ATG5: variants seen among roughly 807,000 people sequenced by gnomAD.
ATG5 encodes autophagy protein 5.
A neutral mutation model predicts 36.5 loss-of-function variants in ATG5; 14 were observed. That is an observed-to-expected ratio of 0.38 (90% CI 0.25 to 0.60). The LOEUF (loss-of-function observed/expected upper bound fraction) is 0.60. Among genes scored for constraint, ATG5 ranks in the 20% least tolerant of loss-of-function variants. ATG5 has a pLI of 0.60. For missense variants in ATG5, 195 were observed against 326.7 expected (o/e 0.60, Z 3.11); for synonymous variants, 95 against 101.5 (o/e 0.94, Z 0.38).
chr6:106,212,892 T>C (rs1402360451), intron 6 of ATG5, among the ~76,000 whole-genome samples: 1 of 152,192 alleles, frequency 6.6e-6, no homozygotes, highest in Non-Finnish European at 1.5e-5. Flanking sequence ...TACATTACTT[T>C]AGAGAATCAA....
At chr6:106,287,777 AAG>A (rs1780137833) in intron 4 of ATG5, among the ~76,000 whole-genome samples, 2 of 152,316 alleles carry the variant, frequency 1.3e-5, no homozygotes, top group East Asian at 1.9e-4. Flanking sequence ...AACATGGACA[AAG>A]AGAGAAAAAA....
At chr6:106,203,062 A>G (rs1021034373) in intron 6 of ATG5, among the ~76,000 whole-genome samples, 2 of 152,198 alleles carry the variant, frequency 1.3e-5, no homozygotes, top group Non-Finnish European at 2.9e-5. Context: ...CAAAAATAAA[A>G]AAATATTAAC....
intron 2 of ATG5, among the ~76,000 whole-genome samples, chr6:106,309,922 C>G (rs1770588370): frequency 6.6e-6 from 1 of 152,038 alleles, no homozygotes; most frequent in Non-Finnish European, 1.5e-5. Flanking sequence ...CTTATGGAGA[C>G]AGTAGGAGGG....
chr6:106,258,336 G>A (rs1778879896), intron 5 of ATG5, among the ~76,000 whole-genome samples: 1 of 151,788 alleles, frequency 6.6e-6, no homozygotes, highest in Non-Finnish European at 1.5e-5. Context: ...CCTTACCACT[G>A]CATCTTAGCC....
chr6:106,247,622 T>A (rs987732117), intron 6 of ATG5, among the ~76,000 whole-genome samples: 2 of 152,244 alleles, frequency 1.3e-5, no homozygotes, highest in African/African-American at 2.4e-5. Flanking sequence ...AACTGATCAA[T>A]ACATAACCTT....
intron 5 of ATG5, among the ~76,000 whole-genome samples, chr6:106,268,992 C>T (rs867602981): frequency 6.6e-6 from 1 of 152,130 alleles, no homozygotes; most frequent in Non-Finnish European, 1.5e-5. Flanking sequence ...CACATGCATA[C>T]CTATGTAACA....
intron 5 of ATG5, among the ~76,000 whole-genome samples, chr6:106,265,591 C>T (rs973042638): frequency 2.0e-5 from 3 of 152,116 alleles, no homozygotes; most frequent in Non-Finnish European, 2.9e-5. Context: ...CTAAAATCGA[C>T]CACATAATTG....
chr6:106,301,174 G>T (rs1314957541), intron 3 of ATG5, among the ~76,000 whole-genome samples: 2 of 152,036 alleles, frequency 1.3e-5, no homozygotes, highest in Non-Finnish European at 1.5e-5. Context: ...TGAAGAAAGA[G>T]ACTCTATTTT....
At chr6:106,299,398 G>T (rs1770113278) in intron 3 of ATG5, among the ~76,000 whole-genome samples, 1 of 151,786 alleles carries the variant, frequency 6.6e-6, no homozygotes, top group Admixed American at 6.6e-5. Flanking sequence ...TTCAATCCAT[G>T]GTTGGTTGAA....
intron 5 of ATG5, among the ~76,000 whole-genome samples, chr6:106,273,618 G>A (rs370570627): frequency 1.6e-5 from 2 of 127,238 alleles, no homozygotes; most frequent in Admixed American, 8.0e-5. Context: ...AGAAAAGAAA[G>A]AAAAGTCCAG....
At chr6:106,239,113 T>G (rs1778008231) in intron 6 of ATG5, among the ~76,000 whole-genome samples, 1 of 152,042 alleles carries the variant, frequency 6.6e-6, no homozygotes, top group South Asian at 2.1e-4. Context: ...CCATCATTAT[T>G]CAGCACAGTC....
At chr6:106,235,102 C>G (rs1426822341) in intron 6 of ATG5, among the ~76,000 whole-genome samples, 1 of 152,180 alleles carries the variant, frequency 6.6e-6, no homozygotes, top group Non-Finnish European at 1.5e-5. Context: ...TCAAAAACAC[C>G]AGACCCTGGG....
chr6:106,308,528 AGTT>A, intron 2 of ATG5, 37 bp from the exon 3 acceptor site: 1 of 1,426,166 alleles, frequency 7.0e-7, no homozygotes, highest in Non-Finnish European at 9.3e-7. Flanking sequence ...TTTATTTACT[AGTT>A]ATTATTTTTA....
At chr6:106,196,743 T>C (rs1776209551) in intron 7 of ATG5, among the ~76,000 whole-genome samples, 1 of 148,994 alleles carries the variant, frequency 6.7e-6, no homozygotes, top group African/African-American at 2.4e-5. Context: ...AAAAGTAGAT[T>C]GAAAGTTCTA....
chr6:106,293,281 C>CATCAGGTGGTTTCCTTCTA (rs1780391937), intron 3 of ATG5, among the ~76,000 whole-genome samples, 175 bp from the exon 4 acceptor site: 1 of 152,168 alleles, frequency 6.6e-6, no homozygotes. Context: ...ACTTTCCAGG[C>CATCAGGTGGTTTCCTTCTA]ATCAGGTGGT....
At chr6:106,292,226 A>G (rs749806837) in intron 4 of ATG5, among the ~76,000 whole-genome samples, 3 of 152,178 alleles carry the variant, frequency 2.0e-5, no homozygotes, top group Non-Finnish European at 2.9e-5. Context: ...CAACTAATAT[A>G]AGAGACCGAC....
chr6:106,284,157 T>A (rs1051911791), intron 4 of ATG5, among the ~76,000 whole-genome samples: 65 of 152,230 alleles, frequency 4.3e-4, no homozygotes. Flanking sequence ...TTTCCCTATT[T>A]TGCATATCAG....
intron 5 of ATG5, among the ~76,000 whole-genome samples, chr6:106,264,831 C>T (rs1022891892): frequency 6.6e-6 from 1 of 152,088 alleles, no homozygotes; most frequent in Non-Finnish European, 1.5e-5. Context: ...CCTACAAGAG[C>T]TCCTGAAGGA....
At chr6:106,225,913 T>C (rs954069264) in intron 6 of ATG5, among the ~76,000 whole-genome samples, 2 of 152,006 alleles carry the variant, frequency 1.3e-5, no homozygotes, top group African/African-American at 2.4e-5. Context: ...ACCTGGGAAA[T>C]AAGAAATCCA....
Sources: allele counts gnomAD v4.1 joint callset (sites outside exome capture counted in the v4.1 genomes callset), GRCh38; gene constraint gnomAD v4.1.1; transcripts MANE v1.5; gene names NCBI Gene and HGNC (gene_info 2026-07-23, HGNC 2026-07-21).